The following DYNC1I2 variants were observed in gnomAD, a reference collection of about 807,000 sequenced individuals.
DYNC1I2 encodes the protein dynein cytoplasmic 1 intermediate chain 2.
Under a neutral mutation model 88.6 loss-of-function variants are expected in DYNC1I2, and 53 were observed. The observed-to-expected ratio is 0.60, with a 90% CI of 0.48 to 0.75. The LOEUF (loss-of-function observed/expected upper bound fraction) is 0.75, where lower values mean the gene tolerates loss of function less well. DYNC1I2 is among the 30% of genes least tolerant of loss of function. DYNC1I2 has a pLI of 0.00. For synonymous variants in DYNC1I2, 198 were observed against 254.6 expected, an observed-to-expected ratio of 0.78 and a Z score of 2.12; for missense variants, 458 against 766.6, an observed-to-expected ratio of 0.60 and a Z score of 4.75.
rs759554884 is a variant in DYNC1I2 at position 171,745,564 on chromosome 2, G to T, written c.1678-238G>T. Among the ~76,000 whole-genome samples the T allele has an allele frequency of 3.9e-5, 6 of 152,160 alleles. 1 individual carries two copies. The South Asian group carries it at 1.0e-3, about 26-fold the overall frequency. On this transcript the variant is annotated intron_variant, in intron 16 of 17. Coordinates refer to ENST00000397119, the MANE Select transcript of DYNC1I2 (RefSeq NM_001378.3). ...AAGAGAAGACCTTTCAAAATAATGT[G>T]TCTAGTCTTCTGAGAATTTTTTATA...
At chr2:171,700,352 C>T (rs1686153347) in intron 3 of DYNC1I2, among the ~76,000 whole-genome samples, 2 of 152,294 alleles carry the variant, frequency 1.3e-5, no homozygotes, top group South Asian at 4.1e-4. Context: ...AAAGCATCAC[C>T]TCTGCCACAT....
intron 5 of DYNC1I2, 118 bp from the exon 6 acceptor site, chr2:171,712,649 A>C: frequency 1.4e-6 from 1 of 740,598 alleles, no homozygotes; most frequent in Non-Finnish European, 2.3e-6. Context: ...TACTAACCAG[A>C]ACATGTGTTT....
At chr2:171,730,185 G>C (rs1688515541) in intron 15 of DYNC1I2, among the ~76,000 whole-genome samples, 2 of 152,148 alleles carry the variant, frequency 1.3e-5, no homozygotes, top group South Asian at 4.1e-4. Context: ...ATTCAGCTCA[G>C]CACAAAAGCT....
intron 1 of DYNC1I2, among the ~76,000 whole-genome samples, chr2:171,689,773 A>G (rs1481163792): frequency 2.0e-5 from 3 of 151,780 alleles, no homozygotes; most frequent in Admixed American, 2.0e-4. Context: ...GTGCAGTGGC[A>G]TGATCACGGC....
intron 6 of DYNC1I2, 38 bp from the exon 7 acceptor site, chr2:171,715,290 G>A (rs903483515): frequency 1.3e-5 from 16 of 1,246,654 alleles, no homozygotes; most frequent in African/African-American, 6.0e-5. Context: ...ATGGTTTGAT[G>A]TAGTTAAAAT....
chr2:171,716,583 T>C (rs1055173822), intron 7 of DYNC1I2, among the ~76,000 whole-genome samples: 1 of 152,132 alleles, frequency 6.6e-6, no homozygotes, highest in African/African-American at 2.4e-5. Context: ...AGAAAATCTT[T>C]AAATTTTCAT....
chr2:171,698,767 G>A (rs564875699), intron 3 of DYNC1I2, among the ~76,000 whole-genome samples: 1 of 152,278 alleles, frequency 6.6e-6, no homozygotes, highest in African/African-American at 2.4e-5. Flanking sequence ...TACTTGGGAG[G>A]CTGAGACAGG....
intron 3 of DYNC1I2, among the ~76,000 whole-genome samples, chr2:171,702,613 T>TA (rs1686349863): frequency 6.6e-6 from 1 of 152,258 alleles, no homozygotes; most frequent in African/African-American, 2.4e-5. Flanking sequence ...GGGTTTATTT[T>TA]AAAAAATCAA....
At chr2:171,689,359 G>A (rs180728820) in intron 1 of DYNC1I2, among the ~76,000 whole-genome samples, 4 of 152,250 alleles carry the variant, frequency 2.6e-5, no homozygotes, top group African/African-American at 9.6e-5. Context: ...TTTTGCTTTA[G>A]TATTACTACA....
At chr2:171,701,812 T>TTA (rs1686282723) in intron 3 of DYNC1I2, among the ~76,000 whole-genome samples, 9 of 152,138 alleles carry the variant, frequency 5.9e-5, no homozygotes, top group Admixed American at 4.6e-4. Context: ...TTTTACAGAG[T>TTA]ATACTATCTG....
At chr2:171,734,336 T>C (rs1688856602) in intron 15 of DYNC1I2, among the ~76,000 whole-genome samples, 1 of 152,230 alleles carries the variant, frequency 6.6e-6, no homozygotes, top group South Asian at 2.1e-4. Context: ...AGCAGACTGA[T>C]TGATACTTGC....
chr2:171,737,614 C>CA (rs1453944349), intron 15 of DYNC1I2, among the ~76,000 whole-genome samples: 1 of 152,176 alleles, frequency 6.6e-6, no homozygotes, highest in African/African-American at 2.4e-5. Flanking sequence ...GACAGGGTTT[C>CA]ACCATGCTTG....
intron 13 of DYNC1I2, 77 bp from the exon 14 acceptor site, chr2:171,728,636 ACAAT>A: frequency 8.2e-7 from 1 of 1,217,668 alleles, no homozygotes; most frequent in Non-Finnish European, 1.1e-6. Flanking sequence ...AGAATTGTTT[ACAAT>A]CAAAGACTAG....
intron 7 of DYNC1I2, among the ~76,000 whole-genome samples, chr2:171,716,862 C>T (rs540252000): frequency 1.3e-4 from 19 of 150,884 alleles, no homozygotes; most frequent in African/African-American, 2.0e-4. Context: ...GCCAAAATTG[C>T]GCCACTGCAC....
intron 3 of DYNC1I2, among the ~76,000 whole-genome samples, chr2:171,702,353 G>A (rs767665869): frequency 7.9e-5 from 12 of 152,232 alleles, no homozygotes; most frequent in Middle Eastern, 3.4e-3. Flanking sequence ...TCTCATTACC[G>A]TTAGAAAATT....
chr2:171,729,869 A>G lies in DYNC1I2; in HGVS notation c.1536+16A>G. 6.2e-7 allele frequency: 1 copy of G among 1,613,038 alleles called. No homozygotes were observed. On this transcript the variant is annotated intron_variant, in intron 15 of 17. Transcript: ENST00000397119. ...GACAACTAAGGTATCTAAAATATAG[A>G]TGTCTGCTATTTGCTCAGGTTTCTG... is the stretch of plus-strand genomic sequence containing the variant.
Position 171,750,112 on chromosome 2 carries a change from T to G in DYNC1I2, c.*2223T>G, listed in dbSNP as rs773377459. 6.6e-6 allele frequency among the ~76,000 whole-genome samples: 1 copy of G among 152,200 alleles called. No individual in the cohort carries two copies. The highest frequency in any genetic ancestry group is 2.4e-5 in the African/African-American group (1 of 41,464). ...TTTATTACCTTCATGTTAAGGAATATCCAGCTTCACAGACAATTAACTTGC... is the reference window on the plus strand; with the variant it reads ...TTTATTACCTTCATGTTAAGGAATAGCCAGCTTCACAGACAATTAACTTGC... On this transcript the variant is annotated 3_prime_UTR_variant, in exon 18 of 18. Coordinates refer to ENST00000397119, the MANE Select transcript of DYNC1I2 (RefSeq NM_001378.3).
At chr2:171,693,093 A>C (rs1685511627) in intron 3 of DYNC1I2, 199 bp downstream of exon 3, 1 of 536,114 alleles carries the variant, frequency 1.9e-6, no homozygotes, top group African/African-American at 1.9e-5. Context: ...CTGCAAGAGT[A>C]ATTATTAACA....
At chr2:171,704,465 T>C (rs1220335765) in intron 3 of DYNC1I2, among the ~76,000 whole-genome samples, 3 of 152,198 alleles carry the variant, frequency 2.0e-5, no homozygotes, top group South Asian at 4.1e-4. Flanking sequence ...TCCTTTACTT[T>C]ATACCATTTA....
Sources: allele counts gnomAD v4.1 joint callset (sites outside exome capture counted in the v4.1 genomes callset), GRCh38; gene constraint gnomAD v4.1.1; transcripts MANE v1.5; gene names NCBI Gene and HGNC (gene_info 2026-07-23, HGNC 2026-07-21).